The following LMNB1 variants were observed in gnomAD, a reference collection of about 807,000 sequenced individuals.
LMNB1 encodes the protein lamin B1.
In LMNB1, 23 loss-of-function variants were observed where a neutral mutation model predicts 67.1. The ratio of observed to expected loss-of-function variants is 0.34; its 90% CI spans 0.25 to 0.49. The LOEUF (loss-of-function observed/expected upper bound fraction) is 0.49. Among genes scored for constraint, LMNB1 ranks in the 20% least tolerant of loss-of-function variants. LMNB1 has a pLI of 0.99. For synonymous variants in LMNB1, 281 were observed against 282.9 expected (o/e 0.99, Z 0.07); for missense variants, 634 against 746.5 (o/e 0.85, Z 1.76).
At chr5:126,823,608 G>A (rs1751921584) in intron 8 of LMNB1, among the ~76,000 whole-genome samples, 1 of 152,138 alleles carries the variant, frequency 6.6e-6, no homozygotes, top group African/African-American at 2.4e-5. Flanking sequence ...ATGTAGAGGT[G>A]ACTGTCTCTT....
intron 1 of LMNB1, 150 bp downstream of exon 1, chr5:126,778,017 A>G (rs2112912640): frequency 1.4e-6 from 1 of 726,326 alleles, no homozygotes; most frequent in East Asian, 3.4e-5. Flanking sequence ...TCCGGAAAGG[A>G]GAAAGAATCT....
At chr5:126,786,971 CCTCTAAATAAATCTTTAATA>C (rs1371612217) in intron 1 of LMNB1, among the ~76,000 whole-genome samples, 3 of 152,150 alleles carry the variant, frequency 2.0e-5, no homozygotes, top group Non-Finnish European at 4.4e-5. Context: ...GAAATTAAAA[CCTCTAAATAAATCTTTAATA>C]CTCATGACAG....
chr5:126,800,799 T>C (rs1328259935), intron 1 of LMNB1, among the ~76,000 whole-genome samples: 1 of 147,880 alleles, frequency 6.8e-6, no homozygotes, highest in Non-Finnish European at 1.5e-5. Context: ...ATTACAAGCA[T>C]GTGCCATCAC....
chr5:126,783,745 A>T (rs1750690044), intron 1 of LMNB1, among the ~76,000 whole-genome samples: 1 of 152,122 alleles, frequency 6.6e-6, no homozygotes, highest in South Asian at 2.1e-4. Context: ...GTCTTTACAC[A>T]GTTGCTGGTT....
rs186879846 is a variant in LMNB1, at chr5:126,810,199, G to A, written c.662G>A (p.Arg221Lys). The A allele has an allele frequency of 6.2e-7, 1 of 1,612,668 alleles. No homozygotes were observed. Among genetic ancestry groups the A allele is most frequent in the Admixed American group, 1.7e-5 (1 of 59,996 alleles). ...MYEEEINETR[R>K]KHETRLVEVD... ...CCCCAGGAGATTAACGAGACCAGAA[G>A]GAAGCATGAAACGCGCTTGGTAGAG... is the stretch of plus-strand genomic sequence containing the variant. Residue 221 changes from arginine to lysine, a missense_variant, in exon 4 of 11, where the codon AGG becomes AAG. By Grantham distance (26) the Arg-to-Lys change is conservative. Transcript: ENST00000261366.
intron 1 of LMNB1, among the ~76,000 whole-genome samples, chr5:126,784,198 A>AT (rs201568239): frequency 3.5e-4 from 47 of 135,012 alleles, no homozygotes; most frequent in East Asian, 6.8e-4. Flanking sequence ...CTGATTTTGT[A>AT]TTTTTTTTTT....
chr5:126,798,293 C>T (rs1449421820), intron 1 of LMNB1, among the ~76,000 whole-genome samples: 1 of 151,928 alleles, frequency 6.6e-6, no homozygotes, highest in African/African-American at 2.4e-5. Flanking sequence ...ACTAAAAATA[C>T]AAAAAAATTA....
chr5:126,810,846 A>G (rs2126717708), intron 4 of LMNB1, among the ~76,000 whole-genome samples: 1 of 152,320 alleles, frequency 6.6e-6, no homozygotes, highest in East Asian at 1.9e-4. Flanking sequence ...ACTATTATTC[A>G]CTTAAAAAAA....
At position 126,795,130 on chromosome 5, in the gene LMNB1, C is replaced by CT. The variant is rs55837872; in HGVS notation, c.360-9631dup. On this transcript the variant is annotated intron_variant, in intron 1 of 10. Coordinates refer to ENST00000261366, the MANE Select transcript of LMNB1 (RefSeq NM_005573.4). The stretch of plus-strand genomic sequence containing the variant: ...GGAATATGCTAACTAATTCCTTTTC[C>CT]TTTTTTTTTTTTTTTAAATAAGGAT... 8.4e-3 allele frequency among the ~76,000 whole-genome samples: 1,087 copies of CT among 128,932 alleles called. 12 individuals are homozygous for CT. The highest frequency in any genetic ancestry group is 0.011 in the Non-Finnish European group (718 of 62,894). 84.6% of individuals were successfully genotyped at this position (128,932 alleles called of 152,430 possible).
chr5:126,804,876 G>C lies in LMNB1; in HGVS notation c.460G>C (p.Gly154Arg), dbSNP rs767439583. 1.2e-6 allele frequency: 2 copies of C among 1,613,996 alleles called. No homozygotes were observed. The highest frequency in any genetic ancestry group is 8.5e-7 in the Non-Finnish European group (1 of 1,179,958). Residue 154 changes from glycine to arginine, a missense_variant, in exon 2 of 11, where the codon GGT (glycine) becomes CGT (arginine). Physicochemically the swap from Gly to Arg is moderately radical, Grantham distance 125. Coordinates refer to ENST00000261366, the MANE Select transcript of LMNB1 (RefSeq NM_005573.4). ...SKDAALATAL[G>R]DKKSLEGDLE... ...AGATGCAGCTCTTGCTACTGCACTT[G>C]GTGACAAAAAAAGTTTAGAGGGAGA...
chr5:126,783,339 G>C (rs1242414233), intron 1 of LMNB1, among the ~76,000 whole-genome samples: 1 of 138,630 alleles, frequency 7.2e-6, no homozygotes, highest in Non-Finnish European at 1.5e-5. Context: ...TAATATAAGA[G>C]TTATCAAACT....
At position 126,810,272 on chromosome 5, in the gene LMNB1, C is replaced by G; in HGVS notation, c.735C>G (p.Ala245=). The stretch of plus-strand genomic sequence containing the variant: ...AGTATGAGTACAAGCTGGCGCAAGC[C>G]CTTCATGAGATGAGAGAGCAACATG... ...QIEYEYKLAQ[A]LHEMREQHDA... is the part of the protein sequence containing the mutation. The change falls in exon 4 of 11, where the codon GCC becomes GCG. Residue 245 remains alanine, a synonymous_variant. Coordinates refer to ENST00000261366, the MANE Select transcript of LMNB1 (RefSeq NM_005573.4). The G allele has an allele frequency of 6.2e-7, 1 of 1,613,820 alleles. No homozygotes were observed. Among genetic ancestry groups the G allele is most frequent in the East Asian group, 2.2e-5 (1 of 44,884 alleles).
chr5:126,832,369 C>T (rs1249670091), intron 9 of LMNB1, among the ~76,000 whole-genome samples: 1 of 151,542 alleles, frequency 6.6e-6, no homozygotes, highest in East Asian at 1.9e-4. Context: ...AGTGCAGTGG[C>T]GTGATCTCGG....
At chr5:126,821,731 C>G (rs1402157294) in intron 7 of LMNB1, among the ~76,000 whole-genome samples, 1 of 152,150 alleles carries the variant, frequency 6.6e-6, no homozygotes, top group African/African-American at 2.4e-5. Context: ...TGGGCCTTCC[C>G]TAGCTCTGCA....
At chr5:126,796,329 T>C (rs1236963497) in intron 1 of LMNB1, among the ~76,000 whole-genome samples, 1 of 151,984 alleles carries the variant, frequency 6.6e-6, no homozygotes, top group Admixed American at 6.6e-5. Flanking sequence ...TGGAGTAGGG[T>C]ACACCTAGAC....
chr5:126,777,022 G>A (rs1561729209), upstream of LMNB1: 1 of 153,714 alleles, frequency 6.5e-6, no homozygotes, highest in African/African-American at 2.4e-5. Flanking sequence ...GTCACGTGGA[G>A]GCGCCGGGGC....
At chr5:126,784,717 G>C (rs921551723) in intron 1 of LMNB1, among the ~76,000 whole-genome samples, 1 of 148,016 alleles carries the variant, frequency 6.8e-6, no homozygotes, top group Non-Finnish European at 1.5e-5. Flanking sequence ...GTGCAGTGGC[G>C]CCATCTCGGC....
At chr5:126,834,680 T>A (rs1237600876) in intron 10 of LMNB1, among the ~76,000 whole-genome samples, 1 of 152,060 alleles carries the variant, frequency 6.6e-6, no homozygotes, top group Admixed American at 6.5e-5. Context: ...ATCGAGACCA[T>A]CCTGGCTAAC....
chr5:126,819,240 T>A, intron 6 of LMNB1, 98 bp downstream of exon 6: 1 of 783,088 alleles, frequency 1.3e-6, no homozygotes, highest in Non-Finnish European at 2.0e-6. Context: ...AAGAACTTTA[T>A]TTTCTTGGTC....
Sources: allele counts gnomAD v4.1 joint callset (sites outside exome capture counted in the v4.1 genomes callset), GRCh38; gene constraint gnomAD v4.1.1; transcripts MANE v1.5; gene names NCBI Gene and HGNC (gene_info 2026-07-23, HGNC 2026-07-21).